The following NEBL variants were observed in gnomAD, a reference collection of about 807,000 sequenced individuals.
NEBL encodes the protein LIM and SH3 protein 2.
A neutral mutation model predicts 140.2 loss-of-function variants in NEBL; 122 were observed. The observed-to-expected ratio is 0.87, with a 90% CI of 0.75 to 1.01. The LOEUF (loss-of-function observed/expected upper bound fraction) is 1.01. Among genes scored for constraint, NEBL ranks in the 50% least tolerant of loss-of-function variants. NEBL has a pLI of 0.00. For synonymous variants in NEBL, 436 were observed against 398.9 expected (o/e 1.09, Z -1.11); for missense variants, 1,365 against 1,231.3 (o/e 1.11, Z -1.62).
chr10:20,814,185 T>C, intron 22 of NEBL, 142 bp from the exon 23 acceptor site: 1 of 686,080 alleles, frequency 1.5e-6, no homozygotes, highest in Non-Finnish European at 2.6e-6. Flanking sequence ...AATTTTGTTC[T>C]AGAATAGCAA....
chr10:21,046,704 C>A (rs1307180139), intron 2 of NEBL, among the ~76,000 whole-genome samples: 1 of 152,068 alleles, frequency 6.6e-6, no homozygotes, highest in Non-Finnish European at 1.5e-5. Flanking sequence ...GGGTTCACGC[C>A]ATTCTCCTGC....
chr10:21,132,319 A>C (rs1308619722), intron 2 of NEBL, among the ~76,000 whole-genome samples: 1 of 151,894 alleles, frequency 6.6e-6, no homozygotes, highest in African/African-American at 2.4e-5. Context: ...TCAGTGCTTC[A>C]CTCCTTTTAA....
chr10:20,948,246 A>T (rs182436753), intron 4 of NEBL, among the ~76,000 whole-genome samples: 1 of 152,338 alleles, frequency 6.6e-6, no homozygotes, highest in African/African-American at 2.4e-5. Context: ...AATGTAAATA[A>T]TCTTAACCAT....
At chr10:20,962,203 ATCT>A (rs375139653) in intron 3 of NEBL, among the ~76,000 whole-genome samples, 62 of 152,268 alleles carry the variant, frequency 4.1e-4, no homozygotes, top group African/African-American at 1.3e-3. Context: ...AGAAAGCTAA[ATCT>A]TCTTCTCCTC....
chr10:20,896,103 C>T (rs1847447746), intron 2 of NEBL, among the ~76,000 whole-genome samples: 1 of 151,998 alleles, frequency 6.6e-6, no homozygotes, highest in Non-Finnish European at 1.5e-5. Context: ...TGCTTATTAT[C>T]AACAACAGAA....
At chr10:20,928,332 A>G (rs1293631705) in intron 4 of NEBL, among the ~76,000 whole-genome samples, 2 of 152,222 alleles carry the variant, frequency 1.3e-5, no homozygotes, top group African/African-American at 4.8e-5. Flanking sequence ...CAGTAGTCAC[A>G]TGTGGCCAGT....
intron 2 of NEBL, among the ~76,000 whole-genome samples, chr10:21,128,455 T>C (rs562954778): frequency 6.6e-6 from 1 of 152,186 alleles, no homozygotes; most frequent in East Asian, 1.9e-4. Flanking sequence ...ACATGTGATA[T>C]GGAAGGAATG....
intron 3 of NEBL, among the ~76,000 whole-genome samples, chr10:20,977,391 C>A (rs972099341): frequency 6.6e-6 from 1 of 152,190 alleles, no homozygotes; most frequent in African/African-American, 2.4e-5. Context: ...CACCTGACAT[C>A]TAAATCATGT....
At chr10:20,908,394 G>A (rs1243267759) in intron 4 of NEBL, among the ~76,000 whole-genome samples, 2 of 152,326 alleles carry the variant, frequency 1.3e-5, no homozygotes, top group East Asian at 3.9e-4. Context: ...TAAAGGAAGA[G>A]TAGTCCTTGT....
chr10:20,849,922 T>C (rs1842340545), intron 11 of NEBL, among the ~76,000 whole-genome samples: 1 of 152,084 alleles, frequency 6.6e-6, no homozygotes, highest in South Asian at 2.1e-4. Flanking sequence ...GAGGACTAAA[T>C]GAGCTGACAT....
upstream of NEBL, among the ~76,000 whole-genome samples, chr10:21,176,911 A>G (rs1441648104): frequency 6.6e-6 from 1 of 152,254 alleles, no homozygotes; most frequent in Non-Finnish European, 1.5e-5. Flanking sequence ...AAAATCAATT[A>G]TAATCACCTT....
intron 2 of NEBL, among the ~76,000 whole-genome samples, chr10:21,074,118 T>G (rs1835950327): frequency 6.6e-6 from 1 of 152,166 alleles, no homozygotes; most frequent in Admixed American, 6.5e-5. Context: ...TTTGCTTTTA[T>G]GCCAAGCCAC....
chr10:20,797,774 G>A (rs1431121245), intron 26 of NEBL, among the ~76,000 whole-genome samples: 3 of 151,954 alleles, frequency 2.0e-5, no homozygotes, highest in Non-Finnish European at 4.4e-5. Flanking sequence ...AACACACATG[G>A]GTCAGGTATG....
chr10:21,135,747 A>C (rs940564747), intron 2 of NEBL, among the ~76,000 whole-genome samples: 1 of 152,116 alleles, frequency 6.6e-6, no homozygotes, highest in Non-Finnish European at 1.5e-5. Flanking sequence ...GAGGGGACTC[A>C]CCATCCCAGT....
At chr10:20,812,731 C>T (rs1012756573) in intron 24 of NEBL, 38 bp downstream of exon 24, 67 of 1,611,148 alleles carry the variant, frequency 4.2e-5, no homozygotes, top group Middle Eastern at 1.7e-4. Context: ...ATGATCTTTT[C>T]GACCACACAC....
intron 1 of NEBL, among the ~76,000 whole-genome samples, chr10:21,280,619 C>CTTTTTTTTT (rs554320752): frequency 8.2e-5 from 8 of 98,114 alleles, no homozygotes; most frequent in Admixed American, 2.8e-4. Context: ...TTTCTTTTTC[C>CTTTTTTTTT]TTTTTTTTTT....
At chr10:21,114,210 T>G (rs1455704950) in intron 2 of NEBL, among the ~76,000 whole-genome samples, 1 of 152,118 alleles carries the variant, frequency 6.6e-6, no homozygotes, top group Admixed American at 6.6e-5. Context: ...TGTTGTGTGG[T>G]TTCCAAATAT....
At chr10:21,073,263 C>T (rs1469465386) in intron 2 of NEBL, among the ~76,000 whole-genome samples, 1 of 151,362 alleles carries the variant, frequency 6.6e-6, no homozygotes, top group Non-Finnish European at 1.5e-5. Context: ...TTTGAGGCTA[C>T]AGTGAGCCAT....
intron 4 of NEBL, among the ~76,000 whole-genome samples, chr10:20,936,372 C>T (rs1304628333): frequency 6.6e-6 from 1 of 152,204 alleles, no homozygotes; most frequent in Non-Finnish European, 1.5e-5. Context: ...TAGTCTGTCT[C>T]TCAAATCAGC....
Sources: allele counts gnomAD v4.1 joint callset (sites outside exome capture counted in the v4.1 genomes callset), GRCh38; gene constraint gnomAD v4.1.1; transcripts MANE v1.5; gene names NCBI Gene and HGNC (gene_info 2026-07-23, HGNC 2026-07-21).